CDYL2: variants seen among roughly 807,000 people sequenced by gnomAD.
CDYL2 encodes the protein chromodomain Y like 2.
In CDYL2, 23 loss-of-function variants were observed where a neutral mutation model predicts 49.4. The ratio of observed to expected loss-of-function variants is 0.47; its 90% CI spans 0.34 to 0.66. The LOEUF is 0.66. Ranked by LOEUF, CDYL2 falls within the 30% of genes least tolerant of loss-of-function variation. The probability of loss-of-function intolerance (pLI) is 0.01; values close to 1 mark genes in which losing one functional copy is unlikely to be tolerated. For synonymous variants in CDYL2, 360 were observed against 268.8 expected (o/e 1.34, Z -3.32); for missense variants, 678 against 656.4 (o/e 1.03, Z -0.36).
intron 1 of CDYL2, among the ~76,000 whole-genome samples, chr16:80,803,697 C>A (rs1908001260): frequency 7.7e-6 from 1 of 129,052 alleles, no homozygotes; most frequent in Non-Finnish European, 1.7e-5. Context: ...CCCAGCCGGG[C>A]CGCGCAACCC....
At chr16:80,619,534 C>G (rs567605916) in intron 4 of CDYL2, among the ~76,000 whole-genome samples, 21 of 152,198 alleles carry the variant, frequency 1.4e-4, no homozygotes, top group Non-Finnish European at 2.4e-4. Context: ...TGGATGGGCT[C>G]TGGTGGCCTC....
intron 2 of CDYL2, among the ~76,000 whole-genome samples, chr16:80,653,740 T>G (rs1908685697): frequency 6.6e-6 from 1 of 152,170 alleles, no homozygotes; most frequent in Admixed American, 6.5e-5. Context: ...AAGAATATGT[T>G]TTAGGAATTA....
At chr16:80,676,809 C>A (rs1909761514) in intron 2 of CDYL2, among the ~76,000 whole-genome samples, 1 of 152,074 alleles carries the variant, frequency 6.6e-6, no homozygotes, top group African/African-American at 2.4e-5. Context: ...TCCTGTTCTC[C>A]ATAATCATTT....
intron 1 of CDYL2, chr16:80,741,989 T>C (rs956533319): frequency 1.3e-5 from 2 of 152,254 alleles, no homozygotes; most frequent in African/African-American, 2.4e-5. Flanking sequence ...CACCACGTTA[T>C]GGGAACCATG....
chr16:80,712,189 G>GTACATA (rs527296483), intron 1 of CDYL2, among the ~76,000 whole-genome samples: 6,939 of 75,774 alleles, frequency 0.092, 524 homozygotes, highest in African/African-American at 0.18. Context: ...GTGTCTGTGT[G>GTACATA]TGTATATATA....
chr16:80,724,942 C>T (rs776140085), intron 1 of CDYL2, among the ~76,000 whole-genome samples: 1 of 152,168 alleles, frequency 6.6e-6, no homozygotes, highest in Non-Finnish European at 1.5e-5. Flanking sequence ...GTCCTCAAAC[C>T]CTTTGGTGGT....
chr16:80,743,734 A>G (rs1905830135), intron 1 of CDYL2, among the ~76,000 whole-genome samples: 1 of 152,054 alleles, frequency 6.6e-6, no homozygotes, highest in African/African-American at 2.4e-5. Context: ...AAGATTTTCT[A>G]TAATATATAT....
At chr16:80,604,969 C>G (rs1368593525) in intron 6 of CDYL2, among the ~76,000 whole-genome samples, 1 of 152,226 alleles carries the variant, frequency 6.6e-6, no homozygotes, top group Non-Finnish European at 1.5e-5. Flanking sequence ...GAATGGTTGT[C>G]ACATACAACT....
At chr16:80,757,977 G>A (rs759326282) in intron 1 of CDYL2, among the ~76,000 whole-genome samples, 5 of 151,742 alleles carry the variant, frequency 3.3e-5, no homozygotes, top group Admixed American at 6.6e-5. Context: ...ATAAAACTTC[G>A]AAACACAAGA....
In CDYL2 at chr16:80,620,751, A is replaced by T. The variant is rs754048873; in HGVS notation, c.1007+12T>A. 6.3e-7 allele frequency: 1 copy of T among 1,576,654 alleles called. No homozygotes were observed. The highest frequency in any genetic ancestry group is 8.7e-7 in the Non-Finnish European group (1 of 1,155,282). On this transcript the variant is annotated intron_variant, in intron 4 of 6. Coordinates refer to ENST00000570137, the MANE Select transcript of CDYL2 (RefSeq NM_152342.4). ...CAGGACCCCAGGGTGTGTGAAAAGG[A>T]GCACAGCTCACCTGATGGCTTCTGC...
At chr16:80,649,870 T>C (rs1039542060) in intron 2 of CDYL2, among the ~76,000 whole-genome samples, 4 of 152,124 alleles carry the variant, frequency 2.6e-5, no homozygotes, top group African/African-American at 4.8e-5. Context: ...TGGGGAAAGA[T>C]AGCTTCTTCA....
chr16:80,626,728 T>G (rs949621976), intron 3 of CDYL2, among the ~76,000 whole-genome samples: 6 of 152,136 alleles, frequency 3.9e-5, no homozygotes, highest in Admixed American at 3.9e-4. Context: ...TATTAAAGAC[T>G]CCACAGGCAT....
chr16:80,724,400 G>A (rs1014432795), intron 1 of CDYL2, among the ~76,000 whole-genome samples: 3 of 152,086 alleles, frequency 2.0e-5, no homozygotes, highest in Non-Finnish European at 4.4e-5. Flanking sequence ...CTATCAGGTG[G>A]CTCTTTTTTC....
At chr16:80,774,032 G>T (rs917365121) in intron 1 of CDYL2, among the ~76,000 whole-genome samples, 1 of 152,082 alleles carries the variant, frequency 6.6e-6, no homozygotes, top group Admixed American at 6.6e-5. Context: ...TCTATAAGGT[G>T]AAGACTTGAT....
intron 1 of CDYL2, among the ~76,000 whole-genome samples, chr16:80,795,767 T>G (rs1411986951): frequency 6.6e-6 from 1 of 152,182 alleles, no homozygotes; most frequent in Non-Finnish European, 1.5e-5. Context: ...GTTGAGTTCT[T>G]AGAGTTACCA....
At chr16:80,739,345 A>G (rs1293215853) in intron 1 of CDYL2, among the ~76,000 whole-genome samples, 1 of 152,234 alleles carries the variant, frequency 6.6e-6, no homozygotes, top group East Asian at 1.9e-4. Flanking sequence ...ATTACTGCAC[A>G]TCAATGTAAA....
intron 1 of CDYL2, among the ~76,000 whole-genome samples, chr16:80,781,205 T>G (rs1907256130): frequency 6.6e-6 from 1 of 152,194 alleles, no homozygotes; most frequent in Non-Finnish European, 1.5e-5. Flanking sequence ...GAAAAGGCCC[T>G]ACATCCGTTA....
At chr16:80,778,945 C>G (rs1907178138) in intron 1 of CDYL2, among the ~76,000 whole-genome samples, 1 of 151,904 alleles carries the variant, frequency 6.6e-6, no homozygotes, top group South Asian at 2.1e-4. Context: ...AGACCATATC[C>G]CTACTTCACA....
At chr16:80,772,742 C>T (rs548612893) in intron 1 of CDYL2, among the ~76,000 whole-genome samples, 5 of 152,276 alleles carry the variant, frequency 3.3e-5, no homozygotes, top group African/African-American at 1.2e-4. Flanking sequence ...TGAGCCACCA[C>T]GCCTGGCCCA....
Sources: allele counts gnomAD v4.1 joint callset (sites outside exome capture counted in the v4.1 genomes callset), GRCh38; gene constraint gnomAD v4.1.1; transcripts MANE v1.5; gene names NCBI Gene and HGNC (gene_info 2026-07-23, HGNC 2026-07-21).